Variants in CACNB4 observed in about 807,000 individuals in gnomAD.
CACNB4 encodes voltage-dependent L-type calcium channel subunit beta-4.
In CACNB4, 32 loss-of-function variants were observed where a neutral mutation model predicts 71.2. That is an observed-to-expected ratio of 0.45 (90% CI 0.34 to 0.60). The LOEUF is 0.60. CACNB4 is among the 20% of genes least tolerant of loss of function. The pLI, the probability that CACNB4 is intolerant of heterozygous loss-of-function variation, is 0.01. For missense variants in CACNB4, 464 were observed against 647.9 expected, an observed-to-expected ratio of 0.72 and a Z score of 3.08; for synonymous variants, 231 against 236.9, an observed-to-expected ratio of 0.97 and a Z score of 0.23.
Position 152,098,204 on chromosome 2 carries a change from G to A in CACNB4, c.147+126C>T. 1 of 693,034 alleles carries A rather than the reference G, an allele frequency of 1.4e-6. No individual in the cohort carries two copies. The highest frequency in any genetic ancestry group is 2.5e-6 in the Non-Finnish European group (1 of 398,764). 42.9% of individuals were successfully genotyped at this position (693,034 alleles called of 1,614,324 possible). On this transcript the variant is annotated intron_variant, in intron 2 of 13. Transcript: ENST00000539935. The surrounding 1 kb of genome is among the most constrained non-coding windows in gnomAD (Gnocchi z 5.3). ...GGACTGAGCCCGAGCACCGGCCGAG[G>A]CCGGGAAGAGACGCGCGCGGGCTTG...
At chr2:151,877,967 G>A (rs925247765) in intron 4 of CACNB4, among the ~76,000 whole-genome samples, 1 of 152,106 alleles carries the variant, frequency 6.6e-6, no homozygotes, top group South Asian at 2.1e-4. Flanking sequence ...TCAAGGAAAG[G>A]TTTCAGCTAG....
At chr2:151,887,235 C>T (rs928036746) in intron 2 of CACNB4, among the ~76,000 whole-genome samples, 1 of 151,764 alleles carries the variant, frequency 6.6e-6, no homozygotes, top group South Asian at 2.1e-4. Context: ...CAGGTAGGAG[C>T]GAGCTACCCA....
chr2:151,929,114 C>T (rs1018012959), intron 2 of CACNB4, among the ~76,000 whole-genome samples: 7 of 152,046 alleles, frequency 4.6e-5, no homozygotes, highest in Admixed American at 1.3e-4. Context: ...AAAGCCATCA[C>T]AGTGCTTACA....
rs1432324054 is a variant in CACNB4 at position 152,066,539 on chromosome 2, G to A, written c.147+31791C>T. Among the ~76,000 whole-genome samples, 9 of 149,910 alleles carry A rather than the reference G, an allele frequency of 6.0e-5. No individual in the cohort carries two copies. The Admixed American group carries it at 6.1e-4, about 10-fold the overall frequency. ...GGAGAAATAGGAACACTTTTACACT[G>A]TTGGTGGGACTGTAAACTAGTTCAA... is the stretch of plus-strand genomic sequence containing the variant. On this transcript the variant is annotated intron_variant, in intron 2 of 13. Coordinates refer to ENST00000539935, the MANE Select transcript of CACNB4 (RefSeq NM_000726.5).
Position 152,098,564 on chromosome 2 carries a change from G to T in CACNB4, c.64-151C>A. 2.1e-6 allele frequency: 2 copies of T among 931,266 alleles called. No individual in the cohort carries two copies. The highest frequency in any genetic ancestry group is 3.4e-6 in the Non-Finnish European group (2 of 583,194). The allele number at this position is 931,266 out of a possible 1,614,324, so 57.7% of individuals were successfully genotyped here. On this transcript the variant is annotated intron_variant, in intron 1 of 13. Coordinates refer to ENST00000539935, the MANE Select transcript of CACNB4 (RefSeq NM_000726.5). The surrounding 1 kb of genome is among the most constrained non-coding windows in gnomAD (Gnocchi z 5.3). ...GTCTCCTCCGCGACTCCCAAATACA[G>T]CCCCCACCCCCACCCACCCACTGCA...
At chr2:152,064,455 A>T (rs1158301512) in intron 2 of CACNB4, among the ~76,000 whole-genome samples, 1 of 152,216 alleles carries the variant, frequency 6.6e-6, no homozygotes, top group Non-Finnish European at 1.5e-5. Flanking sequence ...ATCTCAGCTC[A>T]CTGCAACCTC....
intron 2 of CACNB4, among the ~76,000 whole-genome samples, chr2:151,926,440 G>C (rs1431114550): frequency 2.0e-5 from 3 of 152,166 alleles, no homozygotes; most frequent in Non-Finnish European, 4.4e-5. Context: ...ACTCAATAAA[G>C]GGTGAAGAGA....
chr2:151,946,610 A>T (rs1384512762), intron 2 of CACNB4, among the ~76,000 whole-genome samples: 2 of 152,210 alleles, frequency 1.3e-5, no homozygotes, highest in Non-Finnish European at 2.9e-5. Context: ...GAGCCACATG[A>T]CAGATACATT....
At chr2:151,968,019 C>A (rs1018131726) in intron 2 of CACNB4, 1 of 152,288 alleles carries the variant, frequency 6.6e-6, no homozygotes, top group African/African-American at 2.4e-5. Flanking sequence ...ATCTGGGCTA[C>A]CTTCTTTTGG....
intron 9 of CACNB4, 41 bp from the exon 10 acceptor site, chr2:151,860,861 G>C: frequency 7.9e-7 from 1 of 1,270,104 alleles, no homozygotes; most frequent in Non-Finnish European, 1.2e-6. Context: ...CAGTAAAAAT[G>C]TTATGGGGCT....
At chr2:151,922,894 T>C (rs919897331) in intron 2 of CACNB4, among the ~76,000 whole-genome samples, 1 of 152,262 alleles carries the variant, frequency 6.6e-6, no homozygotes, top group Non-Finnish European at 1.5e-5. Flanking sequence ...GAGCGTTTGT[T>C]GATTTTGCCT....
intron 2 of CACNB4, among the ~76,000 whole-genome samples, chr2:151,991,912 A>G (rs528921582): frequency 6.6e-6 from 1 of 152,328 alleles, no homozygotes; most frequent in South Asian, 2.1e-4. Context: ...AAAAGAGCGA[A>G]TCCAGGAAGG....
chr2:152,074,469 C>G (rs1686884352), intron 2 of CACNB4, among the ~76,000 whole-genome samples: 1 of 151,546 alleles, frequency 6.6e-6, no homozygotes, highest in Non-Finnish European at 1.5e-5. Flanking sequence ...ACTACTATCA[C>G]TACTACTGTC....
chr2:151,949,107 T>C (rs1218271730), intron 2 of CACNB4, among the ~76,000 whole-genome samples: 3 of 151,858 alleles, frequency 2.0e-5, no homozygotes, highest in Admixed American at 1.3e-4. Flanking sequence ...ACTTCCTCCT[T>C]CTTTGTCCCT....
chr2:151,870,814 G>A, intron 7 of CACNB4, 28 bp downstream of exon 7: 1 of 1,578,808 alleles, frequency 6.3e-7, no homozygotes, highest in Non-Finnish European at 8.7e-7. Flanking sequence ...AACCTTAACA[G>A]TAGATTTAAA....
At chr2:151,929,713 T>A (rs773240784) in intron 2 of CACNB4, among the ~76,000 whole-genome samples, 3 of 152,162 alleles carry the variant, frequency 2.0e-5, no homozygotes, top group Non-Finnish European at 4.4e-5. Context: ...ATGTTAAAAC[T>A]AATAGTTTCC....
intron 2 of CACNB4, among the ~76,000 whole-genome samples, chr2:152,008,480 T>G (rs1468163349): frequency 6.6e-6 from 1 of 151,766 alleles, no homozygotes; most frequent in African/African-American, 2.4e-5. Context: ...AGAGACAGGG[T>G]TTCACTGTCT....
At chr2:151,883,143 A>T in intron 3 of CACNB4, 108 bp downstream of exon 3, 1 of 1,169,648 alleles carries the variant, frequency 8.5e-7, no homozygotes, top group Non-Finnish European at 1.3e-6. Flanking sequence ...GAGCCTTGTT[A>T]GAATAATCAC....
At chr2:151,948,415 CT>C (rs2099866101) in intron 2 of CACNB4, among the ~76,000 whole-genome samples, 1 of 152,228 alleles carries the variant, frequency 6.6e-6, no homozygotes, top group Non-Finnish European at 1.5e-5. Context: ...AATCCCAACA[CT>C]TTGGAGGCCA....
Sources: allele counts gnomAD v4.1 joint callset (sites outside exome capture counted in the v4.1 genomes callset), GRCh38; gene constraint gnomAD v4.1.1; non-coding constraint Gnocchi (gnomAD v3.1); transcripts MANE v1.5; gene names NCBI Gene and HGNC (gene_info 2026-07-23, HGNC 2026-07-21).